Variants in PARP1 observed in about 807,000 individuals in gnomAD.
PARP1 encodes poly(ADP-ribose) polymerase 1, also known as poly [ADP-ribose] polymerase 1.
PARP1 carries 44 observed loss-of-function variants against 118.7 expected under a neutral mutation model. The ratio of observed to expected loss-of-function variants is 0.37; its 90% confidence interval spans 0.29 to 0.48. PARP1 has a LOEUF of 0.48. Among genes scored for constraint, PARP1 ranks in the 20% least tolerant of loss-of-function variants. PARP1 has a pLI of 0.99. For missense variants in PARP1, 1,100 were observed against 1,272.4 expected, an observed-to-expected ratio of 0.86 and a Z score of 2.06; for synonymous variants, 492 against 483.2, an observed-to-expected ratio of 1.02 and a Z score of -0.24.
intron 14 of PARP1, chr1:226,371,256 C>G (rs1027872095): frequency 9.1e-5 from 14 of 153,392 alleles, no homozygotes; most frequent in African/African-American, 3.4e-4. Context: ...CCAATGGGCC[C>G]CACACTCTGT....
In PARP1 at chr1:226,380,170, C is replaced by T; in HGVS notation, c.1301-6G>A. On this transcript the variant is annotated splice_polypyrimidine_tract_variant and splice_region_variant and intron_variant, in intron 9 of 22. Coordinates refer to ENST00000366794, the MANE Select transcript of PARP1 (RefSeq NM_001618.4). ...ATTCATCTTTTCCACCTCCTCTGTTCAAATTGAAAGGAAAAAAAACCAAAA... is the reference window on the plus strand; with the variant it reads ...ATTCATCTTTTCCACCTCCTCTGTTTAAATTGAAAGGAAAAAAAACCAAAA... 6.2e-7 allele frequency: 1 copy of T among 1,613,818 alleles called. No individual in the cohort carries two copies. Among genetic ancestry groups the T allele is most frequent in the Admixed American group, 1.7e-5 (1 of 60,020 alleles).
intron 18 of PARP1, 77 bp downstream of exon 18, chr1:226,365,877 C>T (rs1664254106): frequency 1.1e-6 from 1 of 921,878 alleles, no homozygotes; most frequent in Non-Finnish European, 1.8e-6. Flanking sequence ...TCTTTTCTAC[C>T]CAGGCCCAGG....
At chr1:226,389,266 TA>T (rs1558240071) in intron 4 of PARP1, among the ~76,000 whole-genome samples, 1 of 152,002 alleles carries the variant, frequency 6.6e-6, no homozygotes, top group African/African-American at 2.4e-5. Context: ...TACTGCCATA[TA>T]AAGCCCTGAC....
intron 15 of PARP1, among the ~76,000 whole-genome samples, chr1:226,368,727 A>T (rs773128338): frequency 6.6e-6 from 1 of 152,050 alleles, no homozygotes; most frequent in Admixed American, 6.5e-5. Context: ...GAGGTTGCCC[A>T]TCGCTATAAA....
In PARP1 at chr1:226,374,461, C is replaced by T. The variant is rs1286546863; in HGVS notation, c.1942-107G>A. On this transcript the variant is annotated intron_variant, in intron 13 of 22. Coordinates refer to ENST00000366794, the MANE Select transcript of PARP1 (RefSeq NM_001618.4). ...ACAAAGGACACAGGCTAGAGTGCCA[C>T]CAGCAAAAAAAGCTGAGTGTTAATC... 2.2e-6 allele frequency: 3 copies of T among 1,348,258 alleles called. No homozygotes were observed. In the African/African-American group the frequency reaches 4.3e-5, roughly 19 times the overall value. 83.5% of individuals were successfully genotyped at this position (1,348,258 alleles called of 1,614,324 possible). A position where few individuals can be genotyped will look rare whatever the true frequency, so the allele number is the denominator to read the frequency against.
At chr1:226,400,579 G>C (rs1051782639) in intron 2 of PARP1, among the ~76,000 whole-genome samples, 3 of 152,182 alleles carry the variant, frequency 2.0e-5, no homozygotes, top group African/African-American at 7.2e-5. Context: ...TCAGGGTAAG[G>C]GCCACACCCT....
intron 1 of PARP1, among the ~76,000 whole-genome samples, chr1:226,405,123 C>A (rs1665119050): frequency 6.6e-6 from 1 of 152,168 alleles, no homozygotes; most frequent in Non-Finnish European, 1.5e-5. Context: ...AGTGAAAAGG[C>A]TTCTTTCTTT....
At chr1:226,400,298 C>T (rs1307662737) in intron 2 of PARP1, among the ~76,000 whole-genome samples, 1 of 151,762 alleles carries the variant, frequency 6.6e-6, no homozygotes, top group Non-Finnish European at 1.5e-5. Context: ...GACTCCATCT[C>T]GAAAACAAAA....
At chr1:226,394,777 A>G (rs981900963) in intron 2 of PARP1, among the ~76,000 whole-genome samples, 1 of 152,106 alleles carries the variant, frequency 6.6e-6, no homozygotes, top group Non-Finnish European at 1.5e-5. Context: ...GTTGTCTTGA[A>G]AAAAAAGAAA....
At chr1:226,383,213 C>T (rs1664654671) in intron 7 of PARP1, 30 bp from the exon 8 acceptor site, 1 of 1,603,674 alleles carries the variant, frequency 6.2e-7, no homozygotes, top group African/African-American at 1.3e-5. Context: ...AGTTAAGAAG[C>T]CAGCTCTCCC....
intron 19 of PARP1, among the ~76,000 whole-genome samples, chr1:226,364,686 G>C (rs1490619154): frequency 6.6e-6 from 1 of 152,254 alleles, no homozygotes; most frequent in Non-Finnish European, 1.5e-5. Flanking sequence ...GACACTCAGA[G>C]GTGGCCCGGC....
chr1:226,407,728 G>GCCCCCCCCCCCCC, intron 1 of PARP1, 82 bp downstream of exon 1: 1 of 1,289,834 alleles, frequency 7.8e-7, no homozygotes, highest in Non-Finnish European at 1.0e-6. Flanking sequence ...CGCTCCCTGG[G>GCCCCCCCCCCCCC]CCCGCCCTCC....
At chr1:226,394,470 A>G (rs2102743151) in intron 2 of PARP1, among the ~76,000 whole-genome samples, 1 of 152,392 alleles carries the variant, frequency 6.6e-6, no homozygotes. Flanking sequence ...AATTTGGCAC[A>G]TACATAGAAA....
chr1:226,404,147 G>A (rs925852921), intron 1 of PARP1, among the ~76,000 whole-genome samples: 1 of 135,924 alleles, frequency 7.4e-6, no homozygotes, highest in Admixed American at 7.8e-5. Context: ...TATTTCATAA[G>A]GGCCTATCTT....
intron 21 of PARP1, among the ~76,000 whole-genome samples, chr1:226,362,428 C>T (rs774856844): frequency 2.0e-5 from 3 of 152,108 alleles, no homozygotes; most frequent in Admixed American, 6.5e-5. Flanking sequence ...TCAGGTGATC[C>T]ACCACACCCA....
chr1:226,400,691 C>A (rs1269759475), intron 2 of PARP1, among the ~76,000 whole-genome samples: 1 of 152,230 alleles, frequency 6.6e-6, no homozygotes, highest in Non-Finnish European at 1.5e-5. Context: ...CCCGCCACTT[C>A]CAGATCTAGA....
intron 5 of PARP1, among the ~76,000 whole-genome samples, 184 bp downstream of exon 5, chr1:226,388,472 A>G (rs1298378770): frequency 6.6e-6 from 1 of 152,240 alleles, no homozygotes; most frequent in Non-Finnish European, 1.5e-5. Flanking sequence ...TCTCTTCCAA[A>G]TAAAAATGGT....
Position 226,370,499 on chromosome 1 carries a change from G to T in PARP1, c.2089C>A (p.Pro697Thr), listed in dbSNP as rs1034860806. The change falls in exon 15 of 23, where the codon CCC (proline) becomes ACC (threonine). Residue 697 changes from proline (P) to threonine (T), a missense_variant. This residue lies in a region of PARP1 where 948 missense variants were observed against 1,031.8 expected (regional missense o/e 0.92). Coordinates refer to ENST00000366794, the MANE Select transcript of PARP1 (RefSeq NM_001618.4). ...VEYEIDLQKM[P>T]LGKLSKRQIQ... ...TGCCTTTTGCTCAGCTTCCCCAAGG[G>T]CATCTTCTGAAGGTCGATCTGAGGA... 1.2e-5 allele frequency: 20 copies of T among 1,613,644 alleles called. No individual in the cohort carries two copies. Among genetic ancestry groups the T allele is most frequent in the Non-Finnish European group, 1.7e-5 (20 of 1,179,742 alleles).
intron 13 of PARP1, among the ~76,000 whole-genome samples, chr1:226,375,254 G>A (rs1576394173): frequency 6.6e-6 from 1 of 152,066 alleles, no homozygotes; most frequent in Admixed American, 6.6e-5. Context: ...TTATCTTCTG[G>A]GTGTAACTTC....
Sources: allele counts gnomAD v4.1 joint callset (sites outside exome capture counted in the v4.1 genomes callset), GRCh38; gene constraint gnomAD v4.1.1; regional missense constraint gnomAD v4.1.1; transcripts MANE v1.5; gene names NCBI Gene and HGNC (gene_info 2026-07-23, HGNC 2026-07-21).